The following TBC1D19 variants were observed in gnomAD, a reference collection of about 807,000 sequenced individuals.
The protein encoded by TBC1D19 is TBC1 domain family member 19.
TBC1D19 carries 60 observed loss-of-function variants against 89.0 expected under a neutral mutation model. The ratio of observed to expected loss-of-function variants is 0.67; its 90% CI spans 0.55 to 0.84. The LOEUF (loss-of-function observed/expected upper bound fraction) is 0.84, where lower values mean the gene tolerates loss of function less well. TBC1D19 is among the 40% of genes least tolerant of loss of function. The pLI is 0.00. For missense variants in TBC1D19, 500 were observed against 610.8 expected (o/e 0.82, Z 1.91); for synonymous variants, 189 against 199.7 (o/e 0.95, Z 0.45).
chr4:26,586,960 A>G (rs1201660911), intron 1 of TBC1D19, among the ~76,000 whole-genome samples: 1 of 152,044 alleles, frequency 6.6e-6, no homozygotes, highest in African/African-American at 2.4e-5. Flanking sequence ...GACTTACTGT[A>G]CTGGATAATG....
chr4:26,827,720 T>TTG, the TBC1D19 span, among the ~76,000 whole-genome samples: 60 of 151,314 alleles, frequency 4.0e-4, no homozygotes, highest in African/African-American at 1.3e-3. Context: ...TTGTTTTGTT[T>TTG]TTTTTTTTTT....
intron 7 of TBC1D19, among the ~76,000 whole-genome samples, chr4:26,650,890 A>G (rs1053475263): frequency 8.5e-5 from 13 of 152,116 alleles, no homozygotes; most frequent in Non-Finnish European, 1.5e-4. Flanking sequence ...ATTAATTTTT[A>G]TATAAGGTGT....
At position 26,705,184 on chromosome 4, in the gene TBC1D19, T is replaced by C. The variant is rs543892426; in HGVS notation, c.955-12749T>C. On this transcript the variant is annotated intron_variant, in intron 13 of 20. Transcript: ENST00000264866. Reference sequence around the variant, plus strand: ...GATCTGTAAATATTCTGGTTATTAATGTCTTACTGAAAATGTGATTTGTAA... The same window carrying C: ...GATCTGTAAATATTCTGGTTATTAACGTCTTACTGAAAATGTGATTTGTAA... Among the ~76,000 whole-genome samples the C allele has an allele frequency of 1.2e-3, 189 of 152,316 alleles. 2 individuals carry two copies. Among genetic ancestry groups the C allele is most frequent in the Non-Finnish European group, 2.4e-3 (164 of 68,014 alleles).
At chr4:26,842,932 A>G in the TBC1D19 span, among the ~76,000 whole-genome samples, 2 of 152,174 alleles carry the variant, frequency 1.3e-5, no homozygotes, top group Non-Finnish European at 2.9e-5. Context: ...TCTTTCACAG[A>G]AAAAGGAAGA....
intron 11 of TBC1D19, among the ~76,000 whole-genome samples, chr4:26,675,665 ACTT>A: frequency 6.6e-6 from 1 of 152,240 alleles, no homozygotes; most frequent in Admixed American, 6.5e-5. Flanking sequence ...AAAGAATACT[ACTT>A]CTTATTAGGA....
chr4:26,720,242 C>T (rs897999665), intron 15 of TBC1D19, 117 bp downstream of exon 15: 2 of 742,490 alleles, frequency 2.7e-6, no homozygotes, highest in African/African-American at 3.7e-5. Context: ...TAAAATAAAC[C>T]TTCCATAGAA....
downstream of TBC1D19, among the ~76,000 whole-genome samples, chr4:26,757,912 G>C (rs922910748): frequency 1.3e-5 from 2 of 152,178 alleles, no homozygotes; most frequent in Non-Finnish European, 2.9e-5. Context: ...GCTGGGCTCT[G>C]TAGCATAACA....
At chr4:26,828,014 A>G in the TBC1D19 span, among the ~76,000 whole-genome samples, 1 of 152,184 alleles carries the variant, frequency 6.6e-6, no homozygotes, top group Non-Finnish European at 1.5e-5. Flanking sequence ...ATGGGGTTAA[A>G]GGGTAGATGG....
intron 7 of TBC1D19, among the ~76,000 whole-genome samples, chr4:26,649,429 T>C (rs1744183297): frequency 2.0e-5 from 3 of 152,166 alleles, no homozygotes; most frequent in Admixed American, 6.6e-5. Flanking sequence ...GTTTTCAGTA[T>C]ATTTACAGAA....
intron 4 of TBC1D19, among the ~76,000 whole-genome samples, chr4:26,626,518 A>G (rs1224949842): frequency 2.6e-5 from 4 of 152,122 alleles, no homozygotes; most frequent in Admixed American, 2.6e-4. Flanking sequence ...CTTAGTTCTC[A>G]CTTTACAAAA....
chr4:26,693,443 T>C (rs1217915481), intron 13 of TBC1D19, among the ~76,000 whole-genome samples: 2 of 152,004 alleles, frequency 1.3e-5, no homozygotes, highest in African/African-American at 2.4e-5. Context: ...CCTGTAATCA[T>C]AGCATTTTGG....
chr4:26,747,994 A>T (rs1194364566), intron 18 of TBC1D19, among the ~76,000 whole-genome samples: 1 of 152,200 alleles, frequency 6.6e-6, no homozygotes, highest in Non-Finnish European at 1.5e-5. Context: ...AAAATAATTT[A>T]TTAAATTGAG....
chr4:26,679,011 G>A (rs1453478687), intron 11 of TBC1D19, among the ~76,000 whole-genome samples: 1 of 152,130 alleles, frequency 6.6e-6, no homozygotes, highest in East Asian at 1.9e-4. Context: ...AGGTGACAGA[G>A]CATAAAAGTT....
chr4:26,688,253 T>G (rs1004825534), intron 12 of TBC1D19, 92 bp from the exon 13 acceptor site: 1 of 1,396,110 alleles, frequency 7.2e-7, no homozygotes, highest in Non-Finnish European at 9.4e-7. Context: ...AATAAATTTA[T>G]TGCAGTAGTG....
chr4:26,821,821 T>C, the TBC1D19 span, among the ~76,000 whole-genome samples: 1,456 of 152,348 alleles, frequency 9.6e-3, 15 homozygotes, highest in Non-Finnish European at 0.012. Flanking sequence ...TCTTTATGTG[T>C]GGCAGACCTC....
At chr4:26,608,518 T>C (rs1342433576) in intron 1 of TBC1D19, among the ~76,000 whole-genome samples, 2 of 152,322 alleles carry the variant, frequency 1.3e-5, no homozygotes, top group Non-Finnish European at 1.5e-5. Flanking sequence ...GTCCTGCTTT[T>C]GATCCTCAAA....
chr4:26,682,530 G>A lies in TBC1D19; in HGVS notation c.817-1145G>A, dbSNP rs144694515. ...GTAAATATTCCTCCTTGTCTCAGAC[G>A]ACCCTATCCCACAACTCTTCTGTGA... is the stretch of plus-strand genomic sequence containing the variant. On this transcript the variant is annotated intron_variant, in intron 11 of 20. Transcript: ENST00000264866. 2.4e-3 allele frequency among the ~76,000 whole-genome samples: 368 copies of A among 152,198 alleles called. 3 individuals are homozygous for A. The highest frequency in any genetic ancestry group is 8.6e-3 in the African/African-American group (358 of 41,518).
intron 18 of TBC1D19, among the ~76,000 whole-genome samples, chr4:26,745,015 G>A (rs910882521): frequency 3.2e-4 from 49 of 152,116 alleles, no homozygotes; most frequent in African/African-American, 1.1e-3. Context: ...TTAGTGCTTT[G>A]TCTTTTTCTT....
At chr4:26,836,412 G>A in the TBC1D19 span, among the ~76,000 whole-genome samples, 1 of 152,190 alleles carries the variant, frequency 6.6e-6, no homozygotes, top group Non-Finnish European at 1.5e-5. Context: ...GAAGCTGATG[G>A]TGTTGGAGGG....
Sources: allele counts gnomAD v4.1 joint callset (sites outside exome capture counted in the v4.1 genomes callset), GRCh38; gene constraint gnomAD v4.1.1; transcripts MANE v1.5; gene names NCBI Gene and HGNC (gene_info 2026-07-23, HGNC 2026-07-21).